Variants in DYRK1A observed in about 807,000 individuals in gnomAD.
The protein encoded by DYRK1A is dual specificity tyrosine phosphorylation regulated kinase 1A.
A neutral mutation model predicts 79.7 loss-of-function variants in DYRK1A; 9 were observed. The observed-to-expected ratio is 0.11, with a 90% CI of 0.07 to 0.20. The LOEUF (loss-of-function observed/expected upper bound fraction) is 0.20, where lower values mean the gene tolerates loss of function less well. Among genes scored for constraint, DYRK1A ranks in the 10% least tolerant of loss-of-function variants. The probability of loss-of-function intolerance (pLI) is 1.00; values close to 1 mark genes in which losing one functional copy is unlikely to be tolerated. For missense variants in DYRK1A, 622 were observed against 956.0 expected (o/e 0.65, Z 4.61); for synonymous variants, 349 against 329.7 (o/e 1.06, Z -0.63).
At chr21:37,472,909 A>G in intron 3 of DYRK1A, 29 bp downstream of exon 3, 1 of 1,432,016 alleles carries the variant, frequency 7.0e-7, no homozygotes, top group Non-Finnish European at 9.3e-7. Context: ...AGAAATGACT[A>G]TTGGAATGGC....
intron 2 of DYRK1A, among the ~76,000 whole-genome samples, chr21:37,463,323 T>C (rs1004861632): frequency 6.6e-6 from 1 of 152,150 alleles, no homozygotes; most frequent in African/African-American, 2.4e-5. Flanking sequence ...ATAGTCCTTA[T>C]CATTAGACTT....
At chr21:37,499,161 A>G (rs2148634326) in intron 9 of DYRK1A, among the ~76,000 whole-genome samples, 1 of 151,938 alleles carries the variant, frequency 6.6e-6, no homozygotes. Flanking sequence ...TACTTTTTTT[A>G]TCCTGAAAAA....
intron 1 of DYRK1A, among the ~76,000 whole-genome samples, chr21:37,388,343 C>G (rs1218890867): frequency 6.6e-6 from 1 of 151,962 alleles, no homozygotes; most frequent in Non-Finnish European, 1.5e-5. Context: ...CTTGGCTTCT[C>G]AAAGTGTTGA....
At chr21:37,470,788 CATT>C (rs1300145981) in intron 2 of DYRK1A, among the ~76,000 whole-genome samples, 1 of 152,150 alleles carries the variant, frequency 6.6e-6, no homozygotes, top group East Asian at 1.9e-4. Flanking sequence ...TTGTGCACAT[CATT>C]GATTATTGCC....
rs1313892691 is a variant in DYRK1A at position 37,521,012 on chromosome 21, A to G, written c.*8481A>G. 3 of 152,242 alleles carry G rather than the reference A, an allele frequency of 2.0e-5. No individual in the cohort carries two copies. The allele number at this position is 152,242 out of a possible 1,614,324, so 9.4% of individuals were successfully genotyped here. On this transcript the variant is annotated 3_prime_UTR_variant, in exon 12 of 12. Transcript: ENST00000647188. ...GGAGAGACGGGCTACCTCTTTCTGT[A>G]GGCGGATGTTTCTGAAGGCATCTCC...
chr21:37,395,941 A>G (rs770652659), intron 1 of DYRK1A, among the ~76,000 whole-genome samples: 5 of 152,226 alleles, frequency 3.3e-5, no homozygotes, highest in Non-Finnish European at 7.3e-5. Context: ...CACCTTGTTA[A>G]CATATGACAA....
chr21:37,374,414 C>T (rs1181825271), intron 1 of DYRK1A, among the ~76,000 whole-genome samples: 1 of 151,266 alleles, frequency 6.6e-6, no homozygotes, highest in Non-Finnish European at 1.5e-5. Flanking sequence ...TTCCCTTAAA[C>T]TATGAAATAT....
At position 37,367,574 on chromosome 21, in the gene DYRK1A, G is replaced by A. The variant is rs537627443; in HGVS notation, c.-131G>A. ...GCCGCGGCGGGAGCGCGGCGCGGGAGCCCGAGGCTGAGACTCACCGGAGGA... is the reference window on the plus strand; with the variant it reads ...GCCGCGGCGGGAGCGCGGCGCGGGAACCCGAGGCTGAGACTCACCGGAGGA... On this transcript the variant is annotated 5_prime_UTR_variant, in exon 1 of 12. Coordinates refer to ENST00000647188, the MANE Select transcript of DYRK1A (RefSeq NM_001347721.2). The A allele has an allele frequency of 8.1e-4, 120 of 147,754 alleles. 3 individuals carry two copies. The South Asian group carries it at 0.024, about 30-fold the overall frequency. 9.2% of individuals were successfully genotyped at this position (147,754 alleles called of 1,614,324 possible).
chr21:37,374,324 T>G (rs533411835), intron 1 of DYRK1A, among the ~76,000 whole-genome samples: 1 of 150,328 alleles, frequency 6.7e-6, no homozygotes, highest in Admixed American at 6.7e-5. Flanking sequence ...AGCAGAGATA[T>G]TTAAACGTAC....
rs1056285100 is a variant in DYRK1A, at chr21:37,520,285, A to G, written c.*7754A>G. 1 of 151,384 alleles carries G rather than the reference A, an allele frequency of 6.6e-6. No homozygotes were observed. The highest frequency in any genetic ancestry group is 1.5e-5 in the Non-Finnish European group (1 of 68,010). The allele number at this position is 151,384 out of a possible 1,614,324, so 9.4% of individuals were successfully genotyped here. Reference sequence around the variant, plus strand: ...TTTAGCCTTCAGAGGTTTGATGTAGATAGGAAGAGATGAGGGTGACAGAAA... The same window carrying G: ...TTTAGCCTTCAGAGGTTTGATGTAGGTAGGAAGAGATGAGGGTGACAGAAA... On this transcript the variant is annotated 3_prime_UTR_variant, in exon 12 of 12. Coordinates refer to ENST00000647188, the MANE Select transcript of DYRK1A (RefSeq NM_001347721.2).
intron 2 of DYRK1A, among the ~76,000 whole-genome samples, chr21:37,458,674 C>T (rs902750785): frequency 3.3e-5 from 5 of 152,212 alleles, no homozygotes; most frequent in Non-Finnish European, 5.9e-5. Context: ...AGCCTAATGT[C>T]TGTCTTCTGT....
rs902420909 is a variant in DYRK1A at position 37,496,050 on chromosome 21, T to C, written c.1072-68T>C. 5 of 1,481,836 alleles carry C rather than the reference T, an allele frequency of 3.4e-6. No homozygotes were observed. The East Asian group carries it at 1.1e-4, about 34-fold the overall frequency. The allele number at this position is 1,481,836 out of a possible 1,614,324, so 91.8% of individuals were successfully genotyped here. A position where few individuals can be genotyped will look rare whatever the true frequency, so the allele number is the denominator to read the frequency against. On this transcript the variant is annotated intron_variant, in intron 8 of 11. Transcript: ENST00000647188. ...GGTGTGCAATTTATTTATGAATGAA[T>C]GACTTGATGAGCAGGAGTAGATGTA... is the stretch of plus-strand genomic sequence containing the variant.
intron 11 of DYRK1A, among the ~76,000 whole-genome samples, chr21:37,511,090 A>G (rs1288669244): frequency 6.6e-6 from 1 of 152,154 alleles, no homozygotes; most frequent in Non-Finnish European, 1.5e-5. Context: ...ACACTGAGGC[A>G]TTTGAGAGAT....
In DYRK1A at chr21:37,516,405, ATAACCCTGGTTTCTTATC is replaced by A. The variant is rs1465517252; in HGVS notation, c.*3877_*3894del. 6.6e-6 allele frequency: 1 copy of A among 152,204 alleles called. No homozygotes were observed. Among genetic ancestry groups the A allele is most frequent in the East Asian group, 1.9e-4 (1 of 5,200 alleles). 9.4% of individuals were successfully genotyped at this position (152,204 alleles called of 1,614,324 possible). On this transcript the variant is annotated 3_prime_UTR_variant, in exon 12 of 12. Coordinates refer to ENST00000647188, the MANE Select transcript of DYRK1A (RefSeq NM_001347721.2). ...GAGTAGAGGAGAAGTTCTGATTTTC[ATAACCCTGGTTTCTTATC>A]TAGGCCTGTTTCCTTGCGTGAAAAC...
chr21:37,436,832 G>T (rs1453324484), intron 2 of DYRK1A, among the ~76,000 whole-genome samples: 1 of 152,122 alleles, frequency 6.6e-6, no homozygotes, highest in Non-Finnish European at 1.5e-5. Flanking sequence ...AGTCAGAGGG[G>T]ACCTAGATAC....
intron 1 of DYRK1A, among the ~76,000 whole-genome samples, chr21:37,385,037 G>A (rs1412227624): frequency 1.3e-5 from 2 of 152,066 alleles, no homozygotes; most frequent in East Asian, 2.0e-4. Context: ...CATCTTGGAC[G>A]TGAGGTTTGC....
intron 1 of DYRK1A, among the ~76,000 whole-genome samples, chr21:37,411,573 A>G (rs566723580): frequency 1.5e-4 from 23 of 152,312 alleles, no homozygotes; most frequent in South Asian, 6.2e-4. Flanking sequence ...ACAGGTGTAG[A>G]AATGTTGACA....
At chr21:37,458,493 G>A (rs560134903) in intron 2 of DYRK1A, among the ~76,000 whole-genome samples, 1 of 152,132 alleles carries the variant, frequency 6.6e-6, no homozygotes, top group African/African-American at 2.4e-5. Flanking sequence ...AACTCTGTGT[G>A]TAACGTTTCA....
chr21:37,410,966 T>C (rs1385189701), intron 1 of DYRK1A, among the ~76,000 whole-genome samples: 1 of 149,830 alleles, frequency 6.7e-6, no homozygotes, highest in East Asian at 2.0e-4. Context: ...TGAGAATTGC[T>C]TGAGCCTGAG....
Sources: allele counts gnomAD v4.1 joint callset (sites outside exome capture counted in the v4.1 genomes callset), GRCh38; gene constraint gnomAD v4.1.1; transcripts MANE v1.5; gene names NCBI Gene and HGNC (gene_info 2026-07-23, HGNC 2026-07-21).